Variants in EXOC6B observed in about 807,000 individuals in gnomAD.
EXOC6B encodes the protein exocyst complex component 6B, also known as SEC15 homolog B.
In EXOC6B, 54 loss-of-function variants were observed where a neutral mutation model predicts 113.5. The observed-to-expected ratio is 0.48, with a 90% CI of 0.38 to 0.60. The LOEUF (loss-of-function observed/expected upper bound fraction) is 0.60, where lower values mean the gene tolerates loss of function less well. Ranked by LOEUF, EXOC6B falls within the 20% of genes least tolerant of loss-of-function variation. The probability of loss-of-function intolerance (pLI) is 0.00; values close to 1 mark genes in which losing one functional copy is unlikely to be tolerated. For missense variants in EXOC6B, 797 were observed against 977.5 expected (o/e 0.82, Z 2.46); for synonymous variants, 357 against 339.0 (o/e 1.05, Z -0.58).
chr2:72,515,747 G>A (rs1701180837), intron 8 of EXOC6B: 2 of 985,434 alleles, frequency 2.0e-6, no homozygotes. Context: ...CTGTGTACTG[G>A]GTTGAATAGT....
chr2:72,248,548 A>G (rs2104534677), intron 20 of EXOC6B, among the ~76,000 whole-genome samples: 1 of 152,324 alleles, frequency 6.6e-6, no homozygotes, highest in African/African-American at 2.4e-5. Context: ...CCACCAAGAC[A>G]TCAAACTCTG....
intron 6 of EXOC6B, among the ~76,000 whole-genome samples, chr2:72,682,337 G>A (rs1477241051): frequency 6.6e-6 from 1 of 152,068 alleles, no homozygotes; most frequent in Non-Finnish European, 1.5e-5. Context: ...AAAATCCCAG[G>A]AGTTGAGGAT....
At chr2:72,548,845 G>C (rs1703049345) in intron 8 of EXOC6B, among the ~76,000 whole-genome samples, 1 of 152,052 alleles carries the variant, frequency 6.6e-6, no homozygotes, top group Admixed American at 6.6e-5. Context: ...TGAATCCTAT[G>C]TGAAGGAGTA....
chr2:72,733,292 T>C (rs1404770120), intron 2 of EXOC6B, among the ~76,000 whole-genome samples, 174 bp from the exon 3 acceptor site: 1 of 152,210 alleles, frequency 6.6e-6, no homozygotes, highest in African/African-American at 2.4e-5. Context: ...ACTTTTCTAC[T>C]GGATGTTTGC....
intron 20 of EXOC6B, among the ~76,000 whole-genome samples, chr2:72,246,930 T>C (rs538281812): frequency 1.3e-5 from 2 of 152,318 alleles, no homozygotes; most frequent in African/African-American, 4.8e-5. Context: ...GAGATGGCCT[T>C]CTAAGAACTT....
At chr2:72,596,937 T>G (rs1670109224) in intron 6 of EXOC6B, among the ~76,000 whole-genome samples, 1 of 151,366 alleles carries the variant, frequency 6.6e-6, no homozygotes, top group Admixed American at 6.6e-5. Context: ...CCTATTTATC[T>G]CAGATCTTAA....
At chr2:72,765,794 TC>T (rs1441107191) in intron 1 of EXOC6B, among the ~76,000 whole-genome samples, 2 of 152,052 alleles carry the variant, frequency 1.3e-5, no homozygotes, top group Non-Finnish European at 2.9e-5. Context: ...AGTCACTTTT[TC>T]CCCCTCAAGG....
intron 5 of EXOC6B, among the ~76,000 whole-genome samples, chr2:72,721,364 T>TAAAAAAAAAAAAAAA (rs11408155): frequency 9.8e-4 from 28 of 28,450 alleles, no homozygotes; most frequent in African/African-American, 3.0e-3. Context: ...GTTGTTTTTG[T>TAAAAAAAAAAAAAAA]AAAAAAAAAA....
chr2:72,373,697 T>A (rs1294741222), intron 19 of EXOC6B, among the ~76,000 whole-genome samples: 1 of 152,096 alleles, frequency 6.6e-6, no homozygotes, highest in Non-Finnish European at 1.5e-5. Context: ...GAAATGTAAA[T>A]CAAAACTACA....
intron 20 of EXOC6B, among the ~76,000 whole-genome samples, chr2:72,280,635 A>G (rs902575178): frequency 1.3e-5 from 2 of 152,156 alleles, no homozygotes; most frequent in Admixed American, 1.3e-4. Flanking sequence ...CCAATATTCT[A>G]TCAAAGACAA....
chr2:72,638,561 G>A (rs961743938), intron 6 of EXOC6B, among the ~76,000 whole-genome samples: 16 of 152,120 alleles, frequency 1.1e-4, no homozygotes, highest in South Asian at 2.1e-4. Flanking sequence ...CAGCATACCC[G>A]GACTCGTTCC....
At chr2:72,613,361 A>G (rs1290434233) in intron 6 of EXOC6B, among the ~76,000 whole-genome samples, 1 of 152,100 alleles carries the variant, frequency 6.6e-6, no homozygotes, top group Non-Finnish European at 1.5e-5. Flanking sequence ...ACAATAAAAA[A>G]CTGGGGGGAA....
intron 1 of EXOC6B, among the ~76,000 whole-genome samples, chr2:72,780,447 T>C (rs892506230): frequency 1.3e-5 from 2 of 152,216 alleles, no homozygotes; most frequent in African/African-American, 4.8e-5. Context: ...TTTTTCCTTC[T>C]ATTTATCTTC....
At chr2:72,319,777 A>G (rs967426425) in intron 20 of EXOC6B, among the ~76,000 whole-genome samples, 1 of 152,254 alleles carries the variant, frequency 6.6e-6, no homozygotes, top group African/African-American at 2.4e-5. Flanking sequence ...AAAATTGTCA[A>G]AATGTCAATT....
intron 6 of EXOC6B, among the ~76,000 whole-genome samples, chr2:72,630,119 C>T (rs1250329976): frequency 6.6e-6 from 1 of 152,138 alleles, no homozygotes. Context: ...CAGAGGTAAA[C>T]ATTCAGGACT....
At chr2:72,569,376 T>C (rs1247592161) in intron 7 of EXOC6B, among the ~76,000 whole-genome samples, 2 of 152,124 alleles carry the variant, frequency 1.3e-5, no homozygotes, top group Non-Finnish European at 2.9e-5. Flanking sequence ...GTCTGTTTTT[T>C]ATTTTGCCAT....
intron 20 of EXOC6B, among the ~76,000 whole-genome samples, chr2:72,254,095 G>A (rs1351483843): frequency 6.6e-6 from 1 of 151,500 alleles, no homozygotes; most frequent in Non-Finnish European, 1.5e-5. Context: ...AGGAGGAGGA[G>A]GTTGCAGTGA....
At chr2:72,399,217 T>TA (rs200044125) in intron 18 of EXOC6B, among the ~76,000 whole-genome samples, 3 of 152,112 alleles carry the variant, frequency 2.0e-5, no homozygotes, top group South Asian at 2.1e-4. Flanking sequence ...CCCTTCATGA[T>TA]AAAAAACATT....
intron 18 of EXOC6B, among the ~76,000 whole-genome samples, chr2:72,384,742 A>G (rs1250902311): frequency 6.6e-6 from 1 of 152,130 alleles, no homozygotes; most frequent in Non-Finnish European, 1.5e-5. Context: ...CTGAAAAAGA[A>G]ATCAAGCAAA....
Sources: gnomAD v4.1 joint callset for allele counts (sites outside exome capture counted in the v4.1 genomes callset) on GRCh38, gnomAD v4.1.1 for gene constraint, MANE v1.5 for transcripts, NCBI Gene and HGNC (gene_info 2026-07-23, HGNC 2026-07-21) for gene names.